The following LRRC4C variants were observed in gnomAD, a reference collection of about 807,000 sequenced individuals.
The protein encoded by LRRC4C is leucine-rich repeat-containing protein 4C.
Under a neutral mutation model 33.6 loss-of-function variants are expected in LRRC4C, and 5 were observed. That is an observed-to-expected ratio of 0.15 (90% CI 0.08 to 0.31). The LOEUF (loss-of-function observed/expected upper bound fraction) is 0.31, where lower values mean the gene tolerates loss of function less well. LRRC4C is among the 10% of genes least tolerant of loss of function. LRRC4C has a pLI of 1.00. For missense variants in LRRC4C, 560 were observed against 796.7 expected, an observed-to-expected ratio of 0.70 and a Z score of 3.58; for synonymous variants, 329 against 302.0, an observed-to-expected ratio of 1.09 and a Z score of -0.93.
chr11:41,112,039 T>C (rs886220981), intron 1 of LRRC4C, among the ~76,000 whole-genome samples: 5 of 152,036 alleles, frequency 3.3e-5, no homozygotes, highest in African/African-American at 1.2e-4. Flanking sequence ...GCTTATTATC[T>C]CTGTCTATAT....
At chr11:40,784,080 T>TTATATATATA (rs10691904) in intron 2 of LRRC4C, among the ~76,000 whole-genome samples, 2 of 150,756 alleles carry the variant, frequency 1.3e-5, no homozygotes, top group African/African-American at 4.9e-5. Flanking sequence ...AGATGTTTAT[T>TTATATATATA]TATATATATA....
chr11:40,890,358 A>G (rs898114962), intron 2 of LRRC4C, among the ~76,000 whole-genome samples: 1 of 152,154 alleles, frequency 6.6e-6, no homozygotes, highest in African/African-American at 2.4e-5. Context: ...AAGAGAGAAC[A>G]AAAGAAGGCT....
chr11:41,213,418 T>C (rs1235648577), intron 1 of LRRC4C, among the ~76,000 whole-genome samples: 1 of 152,172 alleles, frequency 6.6e-6, no homozygotes, highest in Admixed American at 6.5e-5. Flanking sequence ...GCTGAAGAGA[T>C]GAAAAGTGAC....
intron 1 of LRRC4C, among the ~76,000 whole-genome samples, chr11:41,154,157 C>A (rs1398136739): frequency 6.6e-6 from 1 of 152,136 alleles, no homozygotes; most frequent in Non-Finnish European, 1.5e-5. Context: ...GCTAAAGCAA[C>A]CACTGGAAAC....
intron 3 of LRRC4C, among the ~76,000 whole-genome samples, chr11:40,341,147 C>T (rs959317085): frequency 1.3e-5 from 2 of 152,216 alleles, no homozygotes; most frequent in African/African-American, 2.4e-5. Context: ...TTCTTTCCCA[C>T]TTAAAATGTA....
chr11:40,352,072 G>A (rs1947417031), intron 3 of LRRC4C, among the ~76,000 whole-genome samples: 2 of 151,446 alleles, frequency 1.3e-5, no homozygotes, highest in Admixed American at 6.6e-5. Context: ...TTGTTTTCTG[G>A]TTGTTTTATA....
chr11:40,645,147 A>G lies in LRRC4C; in HGVS notation c.-270+2995T>C, dbSNP rs142181327. 4.7e-3 allele frequency among the ~76,000 whole-genome samples: 720 copies of G among 152,280 alleles called. 7 individuals carry two copies. Among genetic ancestry groups the G allele is most frequent in the African/African-American group, 0.017 (689 of 41,554 alleles). On this transcript the variant is annotated intron_variant, in intron 3 of 6. Transcript: ENST00000528697. ...CCTAAGTGGCCATGTTTTCTATAGA[A>G]TTCTGACATAAACCTCAATCTAATG...
At chr11:40,556,879 G>T (rs17408751) in intron 3 of LRRC4C, among the ~76,000 whole-genome samples, 13,554 of 152,188 alleles carry the variant, frequency 0.089, 766 homozygotes, top group Middle Eastern at 0.14. Context: ...ATTATTAAAA[G>T]TTGGAGCTTC....
rs188771451 is a variant in LRRC4C at position 40,604,613 on chromosome 11, G to A, written c.-270+43529C>T. On this transcript the variant is annotated intron_variant, in intron 3 of 6. Transcript: ENST00000528697. ...ATCTTAACCACTTGCAAAAGAGGAC[G>A]TACAAAATAATAATAACCTATACAG... Among the ~76,000 whole-genome samples, 10 of 152,084 alleles carry A rather than the reference G, an allele frequency of 6.6e-5. No homozygotes were observed. The East Asian group carries it at 1.5e-3, about 24-fold the overall frequency.
chr11:41,429,185 C>A (rs1402352659), intron 1 of LRRC4C, among the ~76,000 whole-genome samples: 5 of 152,096 alleles, frequency 3.3e-5, no homozygotes, highest in African/African-American at 9.7e-5. Context: ...GTTGGCACTT[C>A]TCCTTGCAGC....
intron 1 of LRRC4C, among the ~76,000 whole-genome samples, chr11:41,050,536 C>A (rs190470990): frequency 6.6e-6 from 1 of 152,070 alleles, no homozygotes; most frequent in East Asian, 1.9e-4. Flanking sequence ...AGTGAGAACA[C>A]GTGGTGTTTG....
chr11:41,182,242 G>A (rs913044757), intron 1 of LRRC4C, among the ~76,000 whole-genome samples: 6 of 152,102 alleles, frequency 3.9e-5, no homozygotes, highest in Non-Finnish European at 7.4e-5. Flanking sequence ...TTTTGGAAAA[G>A]CAAACACTAA....
intron 1 of LRRC4C, among the ~76,000 whole-genome samples, chr11:41,040,547 A>C (rs941273468): frequency 3.3e-5 from 5 of 152,186 alleles, no homozygotes; most frequent in African/African-American, 1.2e-4. Context: ...TTCTCAGCTG[A>C]AACACACATT....
chr11:40,777,773 C>T (rs999534243), intron 2 of LRRC4C, among the ~76,000 whole-genome samples: 50 of 151,648 alleles, frequency 3.3e-4, no homozygotes, highest in Admixed American at 1.3e-4. Flanking sequence ...CTGCAAGCTC[C>T]GCCTCCCGAG....
At chr11:40,296,759 G>T (rs1459258436) in intron 4 of LRRC4C, among the ~76,000 whole-genome samples, 2 of 152,112 alleles carry the variant, frequency 1.3e-5, no homozygotes, top group Non-Finnish European at 2.9e-5. Context: ...TGCAGTAGAG[G>T]TTGCCAGGTA....
At chr11:40,382,221 A>T (rs1948908577) in intron 3 of LRRC4C, among the ~76,000 whole-genome samples, 1 of 143,740 alleles carries the variant, frequency 7.0e-6, no homozygotes, top group Non-Finnish European at 1.5e-5. Flanking sequence ...TGATCTCCTG[A>T]TACACCCGCC....
chr11:40,387,533 T>G (rs1329032807), intron 3 of LRRC4C, among the ~76,000 whole-genome samples: 1 of 152,180 alleles, frequency 6.6e-6, no homozygotes, highest in Non-Finnish European at 1.5e-5. Flanking sequence ...CTTTTTTCCT[T>G]ATATTGTTTC....
chr11:41,139,730 T>C (rs989579163), intron 1 of LRRC4C, among the ~76,000 whole-genome samples: 1 of 152,014 alleles, frequency 6.6e-6, no homozygotes, highest in African/African-American at 2.4e-5. Flanking sequence ...AGCAGTTGGA[T>C]CCCTTTCTTT....
chr11:40,155,262 G>A (rs1348619416), intron 5 of LRRC4C, among the ~76,000 whole-genome samples: 1 of 151,916 alleles, frequency 6.6e-6, no homozygotes, highest in Non-Finnish European at 1.5e-5. Context: ...AACTCTGAAA[G>A]AGTACAAAGA....
Sources: gnomAD v4.1 joint callset for allele counts (sites outside exome capture counted in the v4.1 genomes callset) on GRCh38, gnomAD v4.1.1 for gene constraint, MANE v1.5 for transcripts, NCBI Gene and HGNC (gene_info 2026-07-23, HGNC 2026-07-21) for gene names.